The following WWOX variants were observed in gnomAD, a reference collection of about 807,000 sequenced individuals.
WWOX encodes the protein WW domain containing oxidoreductase, also known as WW domain-containing oxidoreductase.
Under a neutral mutation model 46.2 loss-of-function variants are expected in WWOX, and 69 were observed. That is an observed-to-expected ratio of 1.49 (90% CI 1.23 to 1.82). The LOEUF (loss-of-function observed/expected upper bound fraction) is 1.82. WWOX is among the 40% of genes most tolerant of loss of function. The probability of loss-of-function intolerance (pLI) is 0.00; values close to 1 mark genes in which losing one functional copy is unlikely to be tolerated. For synonymous variants in WWOX, 359 were observed against 202.6 expected (o/e 1.77, Z -6.56); for missense variants, 919 against 542.6 (o/e 1.69, Z -6.89).
intron 8 of WWOX, among the ~76,000 whole-genome samples, chr16:78,726,494 A>G (rs1034363959): frequency 6.6e-6 from 1 of 152,138 alleles, no homozygotes; most frequent in African/African-American, 2.4e-5. Context: ...TCAGCCTTCC[A>G]AAGTGTTAAG....
intron 5 of WWOX, among the ~76,000 whole-genome samples, chr16:78,181,816 A>C (rs76874638): frequency 0.016 from 2,390 of 152,268 alleles, 27 homozygotes; most frequent in Middle Eastern, 0.031. Flanking sequence ...TGTATAATTA[A>C]ATATAGATTT....
intron 8 of WWOX, among the ~76,000 whole-genome samples, chr16:79,158,343 C>T (rs1002714719): frequency 6.6e-6 from 1 of 152,164 alleles, no homozygotes; most frequent in African/African-American, 2.4e-5. Context: ...AAAAATCACA[C>T]GTTGGACAGG....
At chr16:79,112,862 A>C (rs555884735) in intron 8 of WWOX, among the ~76,000 whole-genome samples, 3 of 152,204 alleles carry the variant, frequency 2.0e-5, no homozygotes, top group Non-Finnish European at 4.4e-5. Flanking sequence ...AAGTGAGCCA[A>C]GTGAGACCCA....
chr16:78,563,010 C>A (rs1013510085), intron 8 of WWOX, among the ~76,000 whole-genome samples: 1 of 151,846 alleles, frequency 6.6e-6, no homozygotes, highest in African/African-American at 2.4e-5. Context: ...ATCCCTCCCC[C>A]TATCTTTCTT....
chr16:78,703,490 C>T lies in WWOX; in HGVS notation c.1056+270738C>T, dbSNP rs560435567. ...AATTAGCTGGGGATGGTGGCTTGCA[C>T]CTGTAGCTCCAGCTACTCAGAGGGA... On this transcript the variant is annotated intron_variant, in intron 8 of 8. Transcript: ENST00000566780. Among the ~76,000 whole-genome samples, 13 of 151,976 alleles carry T rather than the reference C, an allele frequency of 8.6e-5. No individual in the cohort carries two copies. The East Asian group carries it at 1.9e-3, about 23-fold the overall frequency.
rs1003616156 is a variant in WWOX at position 79,029,233 on chromosome 16, G to A, written c.1057-182375G>A. On this transcript the variant is annotated intron_variant, in intron 8 of 8. Coordinates refer to ENST00000566780, the MANE Select transcript of WWOX (RefSeq NM_016373.4). Reference sequence around the variant, plus strand: ...CCTTTGCCCCACCCCGTCACGGCTGGGCCTACTCAGTTCCACGTCTTTGAG... The same window carrying A: ...CCTTTGCCCCACCCCGTCACGGCTGAGCCTACTCAGTTCCACGTCTTTGAG... 5.3e-5 allele frequency among the ~76,000 whole-genome samples: 8 copies of A among 152,228 alleles called. No homozygotes were observed. The East Asian group carries it at 1.2e-3, about 22-fold the overall frequency.
intron 5 of WWOX, among the ~76,000 whole-genome samples, chr16:78,183,593 T>G (rs999035951): frequency 6.6e-6 from 1 of 152,292 alleles, no homozygotes; most frequent in Admixed American, 6.5e-5. Context: ...GTAGGATGCT[T>G]GTCAGGATTA....
chr16:78,607,657 T>TTTC (rs945531649), intron 8 of WWOX, among the ~76,000 whole-genome samples: 3 of 151,474 alleles, frequency 2.0e-5, no homozygotes, highest in Non-Finnish European at 4.4e-5. Flanking sequence ...TTTTTTTTTT[T>TTTC]TGGCTGTCTA....
intron 8 of WWOX, among the ~76,000 whole-genome samples, chr16:78,534,722 T>G (rs575321802): frequency 3.2e-4 from 49 of 152,220 alleles, no homozygotes; most frequent in African/African-American, 1.2e-3. Context: ...TTATTTCATT[T>G]TATTTTTTTT....
chr16:78,929,052 T>G (rs191713431), intron 8 of WWOX, among the ~76,000 whole-genome samples: 5 of 152,232 alleles, frequency 3.3e-5, no homozygotes, highest in Non-Finnish European at 7.3e-5. Context: ...ATTTCCTTTT[T>G]GCCTTCAAAT....
intron 8 of WWOX, among the ~76,000 whole-genome samples, chr16:78,481,147 G>T (rs1368221033): frequency 2.0e-5 from 3 of 152,184 alleles, no homozygotes; most frequent in Non-Finnish European, 4.4e-5. Flanking sequence ...TACCATTCCT[G>T]GAGGTAGTAG....
At chr16:78,569,758 T>A (rs573081723) in intron 8 of WWOX, among the ~76,000 whole-genome samples, 11 of 152,336 alleles carry the variant, frequency 7.2e-5, no homozygotes, top group African/African-American at 1.4e-4. Flanking sequence ...TGCTTCTTCC[T>A]TATCTTGAAC....
At chr16:78,527,345 G>A (rs2043499191) in intron 8 of WWOX, among the ~76,000 whole-genome samples, 1 of 146,262 alleles carries the variant, frequency 6.8e-6, no homozygotes, top group Non-Finnish European at 1.5e-5. Flanking sequence ...CTAGACTAGA[G>A]TGCAGTGGTA....
In WWOX at chr16:78,880,997, T is replaced by C. The variant is rs539243410; in HGVS notation, c.1057-330611T>C. Among the ~76,000 whole-genome samples the C allele has an allele frequency of 7.9e-4, 118 of 148,652 alleles. 3 individuals are homozygous for C. Among genetic ancestry groups the C allele is most frequent in the African/African-American group, 2.4e-3 (99 of 40,542 alleles). On this transcript the variant is annotated intron_variant, in intron 8 of 8. Coordinates refer to ENST00000566780, the MANE Select transcript of WWOX (RefSeq NM_016373.4). ...AGCTTCTGGTAATTTTTTTTCTTTT[T>C]TTTTTTTTTTTTTGAGACAAAGTCT...
At chr16:78,405,360 G>A (rs535232593) in intron 6 of WWOX, among the ~76,000 whole-genome samples, 30 of 152,272 alleles carry the variant, frequency 2.0e-4, no homozygotes, top group South Asian at 1.2e-3. Context: ...TATCTTGACA[G>A]CAGAATCCAT....
chr16:78,810,731 G>C (rs1179168022), intron 8 of WWOX, among the ~76,000 whole-genome samples: 5 of 152,148 alleles, frequency 3.3e-5, no homozygotes, highest in Non-Finnish European at 7.3e-5. Flanking sequence ...ATATAAACTA[G>C]ATTTGCTCCC....
intron 8 of WWOX, among the ~76,000 whole-genome samples, chr16:78,520,624 G>C (rs1387242606): frequency 6.6e-6 from 1 of 152,010 alleles, no homozygotes; most frequent in Non-Finnish European, 1.5e-5. Flanking sequence ...CTGGGAGTGG[G>C]GTGGGGTGGG....
intron 8 of WWOX, among the ~76,000 whole-genome samples, chr16:78,619,318 C>A (rs1358166556): frequency 7.8e-6 from 1 of 128,886 alleles, no homozygotes; most frequent in South Asian, 2.7e-4. Context: ...AAGCTGAGAT[C>A]GCCACTGCAC....
chr16:78,883,000 T>C (rs2044375979), intron 8 of WWOX, among the ~76,000 whole-genome samples: 2 of 152,074 alleles, frequency 1.3e-5, no homozygotes, highest in African/African-American at 4.8e-5. Flanking sequence ...CTTTGGCTGC[T>C]CCCGACACAA....
Sources: gnomAD v4.1 joint callset for allele counts (sites outside exome capture counted in the v4.1 genomes callset) on GRCh38, gnomAD v4.1.1 for gene constraint, MANE v1.5 for transcripts, NCBI Gene and HGNC (gene_info 2026-07-23, HGNC 2026-07-21) for gene names.